The following HPSE2 variants were observed in gnomAD, a reference collection of about 807,000 sequenced individuals.
The protein encoded by HPSE2 is heparanase 2 (inactive).
Under a neutral mutation model 60.5 loss-of-function variants are expected in HPSE2, and 38 were observed. That is an observed-to-expected ratio of 0.63 (90% CI 0.48 to 0.82). The LOEUF is 0.82. Ranked by LOEUF, HPSE2 falls within the 40% of genes least tolerant of loss-of-function variation. HPSE2 has a pLI of 0.00. For missense variants in HPSE2, 713 were observed against 740.4 expected (o/e 0.96, Z 0.43); for synonymous variants, 295 against 293.2 (o/e 1.01, Z -0.06).
rs747097934 is a variant in HPSE2 at position 98,689,164 on chromosome 10, T to A, written c.1004+4736A>T. The stretch of plus-strand genomic sequence containing the variant: ...AAAATTGGGAGAAGTTCAGCTTTGA[T>A]TTAAAAAAAAAATTTCTGCCACATT... On this transcript the variant is annotated intron_variant, in intron 6 of 11. Coordinates refer to ENST00000370552, the MANE Select transcript of HPSE2 (RefSeq NM_021828.5). 3.3e-5 allele frequency among the ~76,000 whole-genome samples: 5 copies of A among 152,136 alleles called. No homozygotes were observed. In the South Asian group the frequency reaches 1.0e-3, roughly 32 times the overall value.
intron 2 of HPSE2, among the ~76,000 whole-genome samples, chr10:99,230,885 C>A (rs1375988853): frequency 6.6e-6 from 1 of 151,906 alleles, no homozygotes; most frequent in Non-Finnish European, 1.5e-5. Context: ...GATCACAGAG[C>A]TGACAGTGAC....
At chr10:99,080,218 TTC>T (rs1293598988) in intron 3 of HPSE2, among the ~76,000 whole-genome samples, 1 of 152,000 alleles carries the variant, frequency 6.6e-6, no homozygotes, top group Non-Finnish European at 1.5e-5. Flanking sequence ...TTTAAAAAAA[TTC>T]TGTTTGAGTT....
intron 3 of HPSE2, among the ~76,000 whole-genome samples, chr10:99,065,820 G>T (rs779973026): frequency 1.3e-5 from 2 of 152,158 alleles, no homozygotes; most frequent in African/African-American, 4.8e-5. Context: ...CAAAATACAT[G>T]TCTGACCCTG....
chr10:98,646,547 A>G (rs1946775553), intron 6 of HPSE2, among the ~76,000 whole-genome samples: 1 of 152,184 alleles, frequency 6.6e-6, no homozygotes, highest in Admixed American at 6.5e-5. Context: ...AAACTTTTGT[A>G]TTAATACATC....
chr10:98,889,365 T>C (rs1243499119), intron 3 of HPSE2, among the ~76,000 whole-genome samples: 3 of 124,022 alleles, frequency 2.4e-5, no homozygotes, highest in Admixed American at 1.8e-4. Flanking sequence ...CTCTCTTTTC[T>C]TTTTTTTTTT....
rs545045308 is a variant in HPSE2 at position 98,552,086 on chromosome 10, G to A, written c.1321-61890C>T. Among the ~76,000 whole-genome samples the A allele has an allele frequency of 2.5e-3, 375 of 152,310 alleles. 1 individual carries two copies. Among genetic ancestry groups the A allele is most frequent in the Middle Eastern group, 0.01 (3 of 294 alleles). On this transcript the variant is annotated intron_variant, in intron 9 of 11. Coordinates refer to ENST00000370552, the MANE Select transcript of HPSE2 (RefSeq NM_021828.5). ...GTTGGATGTGGTGGATGAGGAGAGG[G>A]ACCTGACTTGAGTGACTAACAGGAT... is the stretch of plus-strand genomic sequence containing the variant.
chr10:98,549,858 G>T (rs1340788236), intron 9 of HPSE2, among the ~76,000 whole-genome samples: 2 of 152,002 alleles, frequency 1.3e-5, no homozygotes, highest in Admixed American at 1.3e-4. Context: ...TTCTCAAGTT[G>T]TCCTCAGTCT....
At chr10:98,882,547 T>C (rs1590004374) in intron 3 of HPSE2, among the ~76,000 whole-genome samples, 1 of 152,082 alleles carries the variant, frequency 6.6e-6, no homozygotes, top group South Asian at 2.1e-4. Flanking sequence ...CATGTTCTTA[T>C]AGAAGATCAT....
intron 9 of HPSE2, among the ~76,000 whole-genome samples, chr10:98,544,455 A>T (rs1589395763): frequency 6.6e-6 from 1 of 152,140 alleles, no homozygotes; most frequent in East Asian, 1.9e-4. Context: ...TCACGCCTGT[A>T]ATCCCAGCAC....
the HPSE2 span, among the ~76,000 whole-genome samples, chr10:99,289,792 C>T: frequency 6.4e-4 from 97 of 152,114 alleles, no homozygotes; most frequent in Middle Eastern, 3.4e-3. Context: ...CTTCAGTTTA[C>T]GGCAAATTAA....
intron 3 of HPSE2, among the ~76,000 whole-genome samples, chr10:99,071,689 T>C (rs751726753): frequency 2.6e-4 from 39 of 152,402 alleles, no homozygotes; most frequent in Non-Finnish European, 2.9e-4. Context: ...CTAGTGGTTA[T>C]GCAGTTTTAA....
intron 3 of HPSE2, among the ~76,000 whole-genome samples, chr10:99,112,169 C>A (rs886965410): frequency 6.6e-6 from 1 of 152,222 alleles, no homozygotes; most frequent in African/African-American, 2.4e-5. Flanking sequence ...TCTCTCAACT[C>A]TGAAAATTTC....
chr10:98,619,776 C>T (rs1250112837), intron 8 of HPSE2, among the ~76,000 whole-genome samples: 2 of 152,220 alleles, frequency 1.3e-5, no homozygotes, highest in Non-Finnish European at 2.9e-5. Flanking sequence ...CTATGCTTCA[C>T]TCAAATGCCA....
intron 3 of HPSE2, among the ~76,000 whole-genome samples, chr10:99,085,817 T>G (rs1843296268): frequency 6.6e-6 from 1 of 152,158 alleles, no homozygotes; most frequent in African/African-American, 2.4e-5. Context: ...CCTCAACTAT[T>G]TTATCTCCAC....
chr10:99,308,678 A>G, the HPSE2 span, among the ~76,000 whole-genome samples: 1 of 152,188 alleles, frequency 6.6e-6, no homozygotes, highest in Non-Finnish European at 1.5e-5. Context: ...CTTTGGAGAC[A>G]AAATATATCA....
intron 9 of HPSE2, among the ~76,000 whole-genome samples, chr10:98,570,929 C>A (rs1332640130): frequency 3.3e-5 from 5 of 152,180 alleles, no homozygotes; most frequent in Admixed American, 2.6e-4. Context: ...CGTAGTGCTG[C>A]ACAGTGTAGA....
chr10:99,203,505 G>A (rs1848643739), intron 2 of HPSE2, among the ~76,000 whole-genome samples: 1 of 147,994 alleles, frequency 6.8e-6, no homozygotes. Context: ...CCCGCCCAGT[G>A]CCAGGCCAAT....
At chr10:98,775,216 T>C (rs1041530227) in intron 3 of HPSE2, among the ~76,000 whole-genome samples, 1 of 152,240 alleles carries the variant, frequency 6.6e-6, no homozygotes, top group African/African-American at 2.4e-5. Context: ...CAATCCAGAT[T>C]GCAGAAACAC....
At chr10:98,729,628 A>T (rs7070022) in intron 4 of HPSE2, among the ~76,000 whole-genome samples, 149,141 of 151,966 alleles carry the variant, frequency 0.98, 73,243 homozygotes, top group East Asian at 1. Context: ...ATAAATAAAT[A>T]AATTAATTTA....
Sources: allele counts gnomAD v4.1 joint callset (sites outside exome capture counted in the v4.1 genomes callset), GRCh38; gene constraint gnomAD v4.1.1; transcripts MANE v1.5; gene names NCBI Gene and HGNC (gene_info 2026-07-23, HGNC 2026-07-21).